Variants in CAPS2 observed in about 807,000 individuals in gnomAD.
CAPS2 encodes the protein calcyphosine 2.
A neutral mutation model predicts 86.5 loss-of-function variants in CAPS2; 98 were observed. That is an observed-to-expected ratio of 1.13 (90% CI 0.96 to 1.34). The LOEUF is 1.34. CAPS2 is among the 40% of genes most tolerant of loss of function. CAPS2 has a pLI of 0.00. For synonymous variants in CAPS2, 210 were observed against 225.1 expected, an observed-to-expected ratio of 0.93 and a Z score of 0.60; for missense variants, 729 against 686.8, an observed-to-expected ratio of 1.06 and a Z score of -0.69.
intron 6 of CAPS2, among the ~76,000 whole-genome samples, chr12:75,314,728 C>T (rs555411558): frequency 2.0e-4 from 31 of 152,112 alleles, no homozygotes; most frequent in Non-Finnish European, 4.1e-4. Flanking sequence ...ATGTAAAACC[C>T]AGACAGAAAC....
In CAPS2 at chr12:75,316,555, A is replaced by G. The variant is rs2039784739; in HGVS notation, c.469-121T>C. 10 of 920,726 alleles carry G rather than the reference A, an allele frequency of 1.1e-5. No homozygotes were observed. The South Asian group carries it at 2.6e-4, about 24-fold the overall frequency. 57.0% of individuals were successfully genotyped at this position (920,726 alleles called of 1,614,324 possible). A position where few individuals can be genotyped will look rare whatever the true frequency, so the allele number is the denominator to read the frequency against. On this transcript the variant is annotated intron_variant, in intron 5 of 16. Transcript: ENST00000393284. ...GACTATTTGTACAACAGTTAAAAGT[A>G]CAGGCTCTGAAAATCAGATTGCTTA...
chr12:75,324,952 T>C (rs1565912438), intron 2 of CAPS2, among the ~76,000 whole-genome samples: 2 of 152,132 alleles, frequency 1.3e-5, no homozygotes, highest in African/African-American at 4.8e-5. Flanking sequence ...AATGAATGCA[T>C]ATAGCTGAAT....
intron 7 of CAPS2, 138 bp downstream of exon 7, chr12:75,312,710 G>T: frequency 1.9e-6 from 1 of 531,470 alleles, no homozygotes; most frequent in Middle Eastern, 4.6e-4. Context: ...AAACACTAAC[G>T]GTGCAGTAAA....
chr12:75,329,891 A>C, upstream of CAPS2: 3 of 1,544,920 alleles, frequency 1.9e-6, no homozygotes, highest in Non-Finnish European at 2.6e-6. Flanking sequence ...TGGACAGGAC[A>C]GGCGAGGGGC....
chr12:75,334,787 C>A, upstream of CAPS2: 2 of 1,614,094 alleles, frequency 1.2e-6, no homozygotes, highest in Non-Finnish European at 1.7e-6. Context: ...TTGGTAGCCA[C>A]TACATCTTCC....
At chr12:75,331,567 C>CTT (rs560437167), upstream of CAPS2, among the ~76,000 whole-genome samples, 11 of 146,390 alleles carry the variant, frequency 7.5e-5, no homozygotes, top group African/African-American at 9.9e-5. Flanking sequence ...CTAAATTTAA[C>CTT]TTTTTTTTTT....
At chr12:75,335,390 A>G (rs564557251) in intron 1 of CAPS2, among the ~76,000 whole-genome samples, 1 of 152,368 alleles carries the variant, frequency 6.6e-6, no homozygotes, top group African/African-American at 2.4e-5. Context: ...CTATTGAAGA[A>G]TAAGCATAAA....
At position 75,316,397 on chromosome 12, in the gene CAPS2, G is replaced by A. The variant is rs977352946; in HGVS notation, c.506C>T (p.Thr169Met). 1.3e-5 allele frequency: 20 copies of A among 1,550,642 alleles called. No individual in the cohort carries two copies. In the African/African-American group the frequency reaches 1.5e-4, roughly 12 times the overall value. ...TAAGATGGCTTTCCTATCCAGAGTC[G>A]TAAGGTCATCTGTGTTGGCTTCTTC... The change falls in exon 6 of 17, where the codon ACG becomes ATG. Residue 169 changes from threonine to methionine, a missense_variant. Transcript: ENST00000393284.
chr12:75,309,392 G>A (rs1309216523), intron 7 of CAPS2, among the ~76,000 whole-genome samples: 2 of 152,088 alleles, frequency 1.3e-5, no homozygotes, highest in Non-Finnish European at 2.9e-5. Flanking sequence ...GGAACTACAC[G>A]GCACCATCCA....
intron 1 of CAPS2, among the ~76,000 whole-genome samples, chr12:75,353,354 A>G (rs570913383): frequency 1.3e-5 from 2 of 152,332 alleles, no homozygotes; most frequent in East Asian, 3.8e-4. Flanking sequence ...CCATCAGAGA[A>G]TACTATAAAC....
At chr12:75,366,270 T>C (rs915375839) in intron 1 of CAPS2, among the ~76,000 whole-genome samples, 3 of 152,064 alleles carry the variant, frequency 2.0e-5, no homozygotes, top group African/African-American at 7.2e-5. Flanking sequence ...ACTTAAGCCA[T>C]AAGATATTAA....
chr12:75,282,230 A>C, intron 16 of CAPS2, 21 bp downstream of exon 16: 1 of 1,286,850 alleles, frequency 7.8e-7, no homozygotes, highest in Middle Eastern at 1.9e-4. Context: ...AGTCCAATGC[A>C]TTTTAACTCC....
At chr12:75,357,547 A>G (rs1229063788) in intron 1 of CAPS2, among the ~76,000 whole-genome samples, 1 of 152,124 alleles carries the variant, frequency 6.6e-6, no homozygotes, top group Admixed American at 6.6e-5. Flanking sequence ...CCCAAAACAG[A>G]GGAATATATA....
chr12:75,298,870 C>T lies in CAPS2; in HGVS notation c.950+1G>A. Reference sequence around the variant, plus strand: ...AGTTCTAACAATGTTTAATGGCATACCTATTTTTCCCAAATTGTCGATATT... The same window carrying T: ...AGTTCTAACAATGTTTAATGGCATATCTATTTTTCCCAAATTGTCGATATT... On this transcript the variant is annotated splice_donor_variant, in intron 10 of 16. Coordinates refer to ENST00000393284, the Ensembl canonical transcript of CAPS2. LOFTEE classifies it high-confidence loss of function. The T allele has an allele frequency of 1.2e-6, 2 of 1,605,488 alleles. No individual in the cohort carries two copies. Among genetic ancestry groups the T allele is most frequent in the South Asian group, 2.2e-5 (2 of 90,294 alleles).
chr12:75,292,288 G>A (rs935714220), intron 12 of CAPS2, among the ~76,000 whole-genome samples: 4 of 151,812 alleles, frequency 2.6e-5, no homozygotes, highest in East Asian at 1.9e-4. Context: ...GGCTGGTCTC[G>A]AACTCTTGAC....
intron 1 of CAPS2, among the ~76,000 whole-genome samples, chr12:75,343,346 T>C (rs1196263140): frequency 1.3e-5 from 2 of 152,056 alleles, no homozygotes; most frequent in Non-Finnish European, 2.9e-5. Context: ...TCAATGAGTA[T>C]TCATCCTTTA....
At chr12:75,287,909 G>A (rs781385134) in intron 14 of CAPS2, among the ~76,000 whole-genome samples, 1 of 152,076 alleles carries the variant, frequency 6.6e-6, no homozygotes, top group East Asian at 1.9e-4. Context: ...TTGTCTTGTA[G>A]AACTGAGATC....
chr12:75,284,857 A>T, intron 15 of CAPS2, 104 bp downstream of exon 15: 1 of 1,078,998 alleles, frequency 9.3e-7, no homozygotes, highest in Non-Finnish European at 1.3e-6. Context: ...ACATATAAGT[A>T]AATAGATTTA....
chr12:75,332,446 T>C (rs1444645552), upstream of CAPS2, among the ~76,000 whole-genome samples: 1 of 152,210 alleles, frequency 6.6e-6, no homozygotes, highest in Non-Finnish European at 1.5e-5. Context: ...CAGCCACTTA[T>C]GTATTTGACA....
Sources: gnomAD v4.1 joint callset for allele counts (sites outside exome capture counted in the v4.1 genomes callset) on GRCh38, gnomAD v4.1.1 for gene constraint, MANE v1.5 for transcripts, NCBI Gene and HGNC (gene_info 2026-07-23, HGNC 2026-07-21) for gene names.